The following SHB variants were observed in gnomAD, a reference collection of about 807,000 sequenced individuals.
The protein encoded by SHB is SH2 domain containing adaptor protein B.
In SHB, 20 loss-of-function variants were observed where a neutral mutation model predicts 52.3. That is an observed-to-expected ratio of 0.38 (90% CI 0.27 to 0.56). SHB has a LOEUF of 0.56. SHB is among the 20% of genes least tolerant of loss of function. The pLI, the probability that SHB is intolerant of heterozygous loss-of-function variation, is 0.71. For missense variants in SHB, 825 were observed against 723.3 expected (o/e 1.14, Z -1.61); for synonymous variants, 397 against 316.5 (o/e 1.25, Z -2.70).
intron 1 of SHB, among the ~76,000 whole-genome samples, chr9:38,030,701 C>T (rs1452020935): frequency 6.6e-6 from 1 of 152,168 alleles, no homozygotes; most frequent in Non-Finnish European, 1.5e-5. Context: ...AGGGGCCTCA[C>T]ATTCTTATTT....
chr9:37,992,775 T>C (rs1229096677), intron 2 of SHB, among the ~76,000 whole-genome samples: 3 of 152,166 alleles, frequency 2.0e-5, no homozygotes, highest in South Asian at 2.1e-4. Context: ...CACAGGCAAG[T>C]GCTCTCCATG....
At chr9:37,979,663 C>T (rs1311847617) in intron 2 of SHB, among the ~76,000 whole-genome samples, 1 of 151,624 alleles carries the variant, frequency 6.6e-6, no homozygotes, top group South Asian at 2.1e-4. Context: ...AAAAAACAGG[C>T]CCCCCCACCA....
chr9:37,927,240 G>A lies in SHB; in HGVS notation c.1347-7236C>T, dbSNP rs539623292. ...AGATGTTCTAATAGTCAAGGCAGCT[G>A]GGATAAAGGAGCTTAGGAGGCCACG... On this transcript the variant is annotated intron_variant, in intron 5 of 5. Transcript: ENST00000377707. Among the ~76,000 whole-genome samples, 11 of 152,294 alleles carry A rather than the reference G, an allele frequency of 7.2e-5. No homozygotes were observed. The South Asian group carries it at 2.3e-3, about 32-fold the overall frequency.
At chr9:38,026,424 A>T (rs567368878) in intron 1 of SHB, among the ~76,000 whole-genome samples, 45 of 152,338 alleles carry the variant, frequency 3.0e-4, no homozygotes, top group Non-Finnish European at 5.4e-4. Context: ...TTCTCCCCGA[A>T]CGGGACCCAT....
intron 2 of SHB, among the ~76,000 whole-genome samples, chr9:38,007,695 G>T (rs1338134729): frequency 6.6e-6 from 1 of 152,212 alleles, no homozygotes; most frequent in Non-Finnish European, 1.5e-5. Flanking sequence ...GGTACTTCAG[G>T]TTCTAACAGG....
intron 1 of SHB, among the ~76,000 whole-genome samples, chr9:38,018,446 CT>C (rs1479008902): frequency 6.6e-6 from 1 of 151,552 alleles, no homozygotes; most frequent in Non-Finnish European, 1.5e-5. Context: ...GGAAAAGCCC[CT>C]GGTCTCTGCT....
intron 3 of SHB, among the ~76,000 whole-genome samples, chr9:37,956,661 C>T (rs960170615): frequency 6.6e-6 from 1 of 152,190 alleles, no homozygotes; most frequent in African/African-American, 2.4e-5. Flanking sequence ...CGCCCTGGGC[C>T]TGTGGGAGCA....
At chr9:38,029,396 T>C (rs1821385432) in intron 1 of SHB, among the ~76,000 whole-genome samples, 1 of 152,204 alleles carries the variant, frequency 6.6e-6, no homozygotes, top group African/African-American at 2.4e-5. Context: ...GCAACTTACA[T>C]GACATACTTG....
At chr9:37,930,621 G>A (rs913003616) in intron 5 of SHB, among the ~76,000 whole-genome samples, 11 of 152,046 alleles carry the variant, frequency 7.2e-5, no homozygotes, top group African/African-American at 1.2e-4. Flanking sequence ...GCAATGAAGC[G>A]GACTCACTAT....
rs552333023 is a variant in SHB at position 38,064,762 on chromosome 9, A to C, written c.717+3167T>G. Among the ~76,000 whole-genome samples, 3 of 152,372 alleles carry C rather than the reference A, an allele frequency of 2.0e-5. No homozygotes were observed. The South Asian group carries it at 6.2e-4, about 32-fold the overall frequency. ...TGTACCAAGACATCTCTGAGTACAAAGTAAATGCTGGAAAAAGTGGGCTAT... is the reference window on the plus strand; with the variant it reads ...TGTACCAAGACATCTCTGAGTACAACGTAAATGCTGGAAAAAGTGGGCTAT... On this transcript the variant is annotated intron_variant, in intron 1 of 5. Coordinates refer to ENST00000377707, the MANE Select transcript of SHB (RefSeq NM_003028.3).
chr9:37,930,818 A>T (rs533990538), intron 5 of SHB, among the ~76,000 whole-genome samples: 2 of 152,218 alleles, frequency 1.3e-5, no homozygotes, highest in Non-Finnish European at 2.9e-5. Context: ...AACAATGCTG[A>T]AGAAGAAAAG....
chr9:37,926,301 G>A (rs1832250192), intron 5 of SHB, among the ~76,000 whole-genome samples: 3 of 151,932 alleles, frequency 2.0e-5, no homozygotes, highest in Admixed American at 6.5e-5. Flanking sequence ...AGGGAAGTGG[G>A]ACATTTTGCT....
At chr9:38,009,163 C>G (rs1225989795) in intron 2 of SHB, among the ~76,000 whole-genome samples, 1 of 152,196 alleles carries the variant, frequency 6.6e-6, no homozygotes, top group East Asian at 1.9e-4. Flanking sequence ...AGAGTTCATT[C>G]CAGAATGAGA....
chr9:38,029,098 T>C (rs1288345701), intron 1 of SHB, among the ~76,000 whole-genome samples: 1 of 152,190 alleles, frequency 6.6e-6, no homozygotes, highest in Non-Finnish European at 1.5e-5. Context: ...TTTGTAAACA[T>C]GTAAATGATT....
chr9:38,019,512 A>T (rs1231346529), intron 1 of SHB, among the ~76,000 whole-genome samples: 1 of 152,272 alleles, frequency 6.6e-6, no homozygotes, highest in Non-Finnish European at 1.5e-5. Flanking sequence ...CCCAAAGGAA[A>T]GGACTAGAGG....
At position 37,937,582 on chromosome 9, in the gene SHB, C is replaced by T. The variant is rs113599724; in HGVS notation, c.1346+11053G>A. ...AGAGCAGGTGAAAGACATAGACCCGCGGATGGAACAGCCTCTGCTCCAACA... is the reference window on the plus strand; with the variant it reads ...AGAGCAGGTGAAAGACATAGACCCGTGGATGGAACAGCCTCTGCTCCAACA... On this transcript the variant is annotated intron_variant, in intron 5 of 5. Transcript: ENST00000377707. Among the ~76,000 whole-genome samples the T allele has an allele frequency of 8.4e-4, 128 of 152,280 alleles. 1 individual carries two copies. Among genetic ancestry groups the T allele is most frequent in the African/African-American group, 2.8e-3 (118 of 41,552 alleles).
chr9:38,033,861 C>A, intron 1 of SHB, among the ~76,000 whole-genome samples: 1 of 152,152 alleles, frequency 6.6e-6, no homozygotes, highest in South Asian at 2.1e-4. Flanking sequence ...TCCTGACACC[C>A]CCCCAGCACC....
At chr9:38,034,740 A>C (rs900443441) in intron 1 of SHB, among the ~76,000 whole-genome samples, 47 of 152,218 alleles carry the variant, frequency 3.1e-4, no homozygotes, top group African/African-American at 1.1e-3. Flanking sequence ...TCTGCCACCC[A>C]GGCTGGAGTG....
chr9:38,065,362 G>T (rs1821948134), intron 1 of SHB, among the ~76,000 whole-genome samples: 1 of 152,160 alleles, frequency 6.6e-6, no homozygotes, highest in African/African-American at 2.4e-5. Flanking sequence ...GCCCTGACCA[G>T]AAGACCCAGA....
Sources: allele counts gnomAD v4.1 joint callset (sites outside exome capture counted in the v4.1 genomes callset), GRCh38; gene constraint gnomAD v4.1.1; transcripts MANE v1.5; gene names NCBI Gene and HGNC (gene_info 2026-07-23, HGNC 2026-07-21).